SUSD5: variants seen among roughly 807,000 people sequenced by gnomAD.
SUSD5 encodes sushi domain-containing protein 5.
In SUSD5, 33 loss-of-function variants were observed where a neutral mutation model predicts 29.5. The ratio of observed to expected loss-of-function variants is 1.12; its 90% CI spans 0.85 to 1.49. The LOEUF is 1.49. SUSD5 is among the 40% of genes most tolerant of loss of function. The pLI is 0.00. For synonymous variants in SUSD5, 308 were observed against 325.3 expected (o/e 0.95, Z 0.57); for missense variants, 776 against 800.6 (o/e 0.97, Z 0.37).
At chr3:33,175,832 CACT>C (rs1343795202) in intron 3 of SUSD5, among the ~76,000 whole-genome samples, 3 of 152,090 alleles carry the variant, frequency 2.0e-5, no homozygotes, top group African/African-American at 7.2e-5. Flanking sequence ...GATGAAACTC[CACT>C]GATACCTCAT....
At chr3:33,168,939 T>C (rs535469233) in intron 4 of SUSD5, among the ~76,000 whole-genome samples, 1 of 151,444 alleles carries the variant, frequency 6.6e-6, no homozygotes, top group South Asian at 2.1e-4. Context: ...CATGAGCCAC[T>C]GCACCTGGCC....
chr3:33,183,041 C>T (rs976442534), intron 3 of SUSD5, among the ~76,000 whole-genome samples: 9 of 152,128 alleles, frequency 5.9e-5, no homozygotes, highest in African/African-American at 1.4e-4. Context: ...GTGATCCACC[C>T]GCCTTGGCCT....
At chr3:33,198,675 C>T (rs1414439284) in intron 3 of SUSD5, among the ~76,000 whole-genome samples, 2 of 152,176 alleles carry the variant, frequency 1.3e-5, no homozygotes, top group African/African-American at 4.8e-5. Context: ...TGGATCACTC[C>T]CTCTCACCTG....
intron 2 of SUSD5, among the ~76,000 whole-genome samples, chr3:33,208,621 ATTC>A (rs1387974833): frequency 1.3e-5 from 2 of 151,298 alleles, no homozygotes; most frequent in African/African-American, 2.4e-5. Flanking sequence ...TATCTGAATT[ATTC>A]TTCTTCTTTT....
At chr3:33,164,280 T>C (rs2031258225) in intron 4 of SUSD5, among the ~76,000 whole-genome samples, 1 of 152,192 alleles carries the variant, frequency 6.6e-6, no homozygotes, top group Non-Finnish European at 1.5e-5. Context: ...GAGGCTTTGA[T>C]AGTAGTCACA....
chr3:33,216,939 G>A (rs773760311), intron 1 of SUSD5, among the ~76,000 whole-genome samples: 1 of 152,206 alleles, frequency 6.6e-6, no homozygotes, highest in Non-Finnish European at 1.5e-5. Flanking sequence ...CACTGAGGAA[G>A]TGGGGAAAGA....
chr3:33,202,680 C>T (rs1484137386), intron 3 of SUSD5, among the ~76,000 whole-genome samples: 1 of 152,146 alleles, frequency 6.6e-6, no homozygotes, highest in Non-Finnish European at 1.5e-5. Flanking sequence ...GAAGCAAAGC[C>T]AGAAGACCCA....
At chr3:33,213,214 C>G (rs891882713) in intron 2 of SUSD5, among the ~76,000 whole-genome samples, 1 of 151,966 alleles carries the variant, frequency 6.6e-6, no homozygotes, top group Non-Finnish European at 1.5e-5. Flanking sequence ...CGAGACCAGC[C>G]TGGGCAACAT....
intron 4 of SUSD5, among the ~76,000 whole-genome samples, chr3:33,172,022 G>A (rs1175071199): frequency 6.6e-6 from 1 of 152,144 alleles, no homozygotes; most frequent in African/African-American, 2.4e-5. Context: ...GATGGGATGT[G>A]GAATGAATGA....
intron 3 of SUSD5, among the ~76,000 whole-genome samples, chr3:33,195,426 G>A (rs932072796): frequency 2.6e-5 from 4 of 152,114 alleles, no homozygotes; most frequent in Non-Finnish European, 4.4e-5. Context: ...GATGGAGGTG[G>A]GAATGGCTGT....
intron 4 of SUSD5, 90 bp downstream of exon 4, chr3:33,174,796 G>A (rs988681802): frequency 2.4e-4 from 359 of 1,483,790 alleles, no homozygotes; most frequent in Non-Finnish European, 4.1e-5. Flanking sequence ...CCTTGGTGGA[G>A]AAGAGCCCAC....
At chr3:33,163,811 C>T (rs1282882717) in intron 4 of SUSD5, among the ~76,000 whole-genome samples, 3 of 152,200 alleles carry the variant, frequency 2.0e-5, no homozygotes, top group African/African-American at 7.2e-5. Context: ...TCCTGGCTAA[C>T]ACAGTGAAGC....
chr3:33,178,661 T>C (rs2031605168), intron 3 of SUSD5, among the ~76,000 whole-genome samples: 1 of 152,178 alleles, frequency 6.6e-6, no homozygotes, highest in Non-Finnish European at 1.5e-5. Context: ...TTAGCCAGGA[T>C]GGTCTCAATC....
At chr3:33,172,724 T>C (rs759700365) in intron 4 of SUSD5, among the ~76,000 whole-genome samples, 1 of 152,262 alleles carries the variant, frequency 6.6e-6, no homozygotes, top group Non-Finnish European at 1.5e-5. Context: ...ACAAGGCAAG[T>C]AGAAACACCC....
At chr3:33,198,217 T>C (rs2125628978) in intron 3 of SUSD5, among the ~76,000 whole-genome samples, 1 of 152,362 alleles carries the variant, frequency 6.6e-6, no homozygotes, top group South Asian at 2.1e-4. Context: ...CTCTGTGCTA[T>C]GCACTAGGCT....
At chr3:33,193,911 T>A (rs1439930082) in intron 3 of SUSD5, among the ~76,000 whole-genome samples, 4 of 152,312 alleles carry the variant, frequency 2.6e-5, no homozygotes, top group African/African-American at 9.6e-5. Flanking sequence ...GGGACCAGAC[T>A]GCCTTTGCAA....
rs370193903 is a variant in SUSD5, at chr3:33,201,930, GTCTC to G, written c.409+5874_409+5877del. Among the ~76,000 whole-genome samples, 456 of 152,214 alleles carry G rather than the reference GTCTC, an allele frequency of 3.0e-3. 1 individual carries two copies. Among genetic ancestry groups the G allele is most frequent in the African/African-American group, 0.01 (427 of 41,528 alleles). ...CATCTCAAATGCCACTGCTTAGGAA[GTCTC>G]TCTAATAACCTTTCTCCTTTGTGTC... On this transcript the variant is annotated intron_variant, in intron 3 of 4. Transcript: ENST00000309558.
At chr3:33,180,262 T>A (rs1387230807) in intron 3 of SUSD5, among the ~76,000 whole-genome samples, 1 of 152,218 alleles carries the variant, frequency 6.6e-6, no homozygotes, top group Non-Finnish European at 1.5e-5. Flanking sequence ...GGACAAGACG[T>A]GAAGGTGTCA....
chr3:33,201,038 AT>A (rs2032107643), intron 3 of SUSD5, among the ~76,000 whole-genome samples: 1 of 152,248 alleles, frequency 6.6e-6, no homozygotes, highest in Non-Finnish European at 1.5e-5. Context: ...GCTTATCATT[AT>A]TGAAAACAAT....
Sources: gnomAD v4.1 joint callset for allele counts (sites outside exome capture counted in the v4.1 genomes callset) on GRCh38, gnomAD v4.1.1 for gene constraint, MANE v1.5 for transcripts, NCBI Gene and HGNC (gene_info 2026-07-23, HGNC 2026-07-21) for gene names.